The following PTPRJ variants were observed in gnomAD, a reference collection of about 807,000 sequenced individuals.
The protein encoded by PTPRJ is receptor-type tyrosine-protein phosphatase eta.
PTPRJ carries 129 observed loss-of-function variants against 141.3 expected under a neutral mutation model. That is an observed-to-expected ratio of 0.91 (90% CI 0.79 to 1.06). The LOEUF (loss-of-function observed/expected upper bound fraction) is 1.06, where lower values mean the gene tolerates loss of function less well. PTPRJ is among the 50% of genes least tolerant of loss of function. The pLI is 0.00. For synonymous variants in PTPRJ, 610 were observed against 640.5 expected (o/e 0.95, Z 0.72); for missense variants, 1,601 against 1,679.7 (o/e 0.95, Z 0.82).
intron 6 of PTPRJ, 119 bp from the exon 7 acceptor site, chr11:48,127,661 A>T: frequency 9.7e-7 from 1 of 1,029,368 alleles, no homozygotes; most frequent in South Asian, 1.5e-5. Flanking sequence ...GATGGTGCAG[A>T]GGAGGAAGGA....
intron 1 of PTPRJ, among the ~76,000 whole-genome samples, chr11:48,062,739 A>C (rs1483700044): frequency 6.6e-6 from 1 of 152,192 alleles, no homozygotes; most frequent in Non-Finnish European, 1.5e-5. Flanking sequence ...TTGTTTCTGA[A>C]GCACTTTCTC....
At chr11:48,059,109 C>CTTTTTTTTTTTTTTTTTTTTTTTTTT (rs1437506736) in intron 1 of PTPRJ, among the ~76,000 whole-genome samples, 1 of 125,932 alleles carries the variant, frequency 7.9e-6, no homozygotes, top group African/African-American at 3.5e-5. Flanking sequence ...CTGTGCTGTG[C>CTTTTTTTTTTTTTTTTTTTTTTTTTT]CTTTTTTTTT....
At chr11:48,079,638 G>C (rs903400902) in intron 1 of PTPRJ, among the ~76,000 whole-genome samples, 5 of 152,164 alleles carry the variant, frequency 3.3e-5, no homozygotes, top group African/African-American at 1.2e-4. Context: ...GGCAGAGGAA[G>C]AGGAGGAGCG....
At chr11:48,109,859 C>T (rs1373199525) in intron 1 of PTPRJ, among the ~76,000 whole-genome samples, 199 bp from the exon 2 acceptor site, 5 of 152,150 alleles carry the variant, frequency 3.3e-5, no homozygotes, top group Admixed American at 6.5e-5. Flanking sequence ...CCAGTTAATC[C>T]TTTGTAATTG....
At chr11:48,080,721 G>A (rs574233829) in intron 1 of PTPRJ, among the ~76,000 whole-genome samples, 1 of 152,266 alleles carries the variant, frequency 6.6e-6, no homozygotes, top group East Asian at 1.9e-4. Flanking sequence ...TCAGCTCCAC[G>A]CTCCCCTCCT....
At chr11:48,025,944 A>G (rs1349615833) in intron 1 of PTPRJ, among the ~76,000 whole-genome samples, 19 of 152,154 alleles carry the variant, frequency 1.2e-4, no homozygotes, top group Admixed American at 1.2e-3. Flanking sequence ...TGGAATGCTC[A>G]TCCCCCCAAT....
chr11:48,034,510 T>C (rs750796141), intron 1 of PTPRJ, among the ~76,000 whole-genome samples: 1 of 152,230 alleles, frequency 6.6e-6, no homozygotes, highest in African/African-American at 2.4e-5. Context: ...AGGTCCTTTA[T>C]TGATTCATCT....
At position 48,110,078 on chromosome 11, in the gene PTPRJ, T is replaced by A; in HGVS notation, c.115+2T>A. ...TTCAGATCCTGTGCGCAGGTGGCAG[T>A]GAGTACCCTTTTCCTCTCTATTCTT... is the stretch of plus-strand genomic sequence containing the variant. On this transcript the variant is annotated splice_donor_variant, in intron 2 of 24. Transcript: ENST00000418331. LOFTEE classifies it high-confidence loss of function. 6.2e-7 allele frequency: 1 copy of A among 1,613,726 alleles called. No homozygotes were observed. The highest frequency in any genetic ancestry group is 1.1e-5 in the South Asian group (1 of 91,060).
chr11:47,997,927 G>C (rs1401527165), intron 1 of PTPRJ, among the ~76,000 whole-genome samples: 1 of 152,142 alleles, frequency 6.6e-6, no homozygotes, highest in Non-Finnish European at 1.5e-5. Flanking sequence ...GTGACATTGA[G>C]AATAGCAGGA....
Position 48,125,203 on chromosome 11 carries a change from A to C in PTPRJ, c.1093+17A>C, listed in dbSNP as rs773180122. On this transcript the variant is annotated intron_variant, in intron 6 of 24. Transcript: ENST00000418331. ...TCAGGACAAGTAGGTTGAACTTTGT[A>C]AAATGGTGGCAGCCAGAGTTTCCTA... 6.2e-7 allele frequency: 1 copy of C among 1,611,178 alleles called. No homozygotes were observed. The highest frequency in any genetic ancestry group is 8.5e-7 in the Non-Finnish European group (1 of 1,177,360).
intron 1 of PTPRJ, among the ~76,000 whole-genome samples, chr11:48,093,641 T>G (rs1294245611): frequency 1.3e-5 from 2 of 152,154 alleles, no homozygotes; most frequent in Non-Finnish European, 1.5e-5. Context: ...TTTGCTCAAA[T>G]TGCCTTTATA....
At chr11:48,132,830 G>GCA in intron 8 of PTPRJ, 1 of 608,572 alleles carries the variant, frequency 1.6e-6, no homozygotes, top group Non-Finnish European at 2.1e-6. Context: ...GTCACTCAGA[G>GCA]GATCTGCTTC....
intron 1 of PTPRJ, among the ~76,000 whole-genome samples, chr11:48,102,340 A>G (rs974951431): frequency 6.6e-6 from 1 of 152,200 alleles, no homozygotes; most frequent in Non-Finnish European, 1.5e-5. Flanking sequence ...CATGTCTTTA[A>G]TGTGGCCAAA....
chr11:47,992,758 G>A (rs1854229110), intron 1 of PTPRJ, among the ~76,000 whole-genome samples: 1 of 152,182 alleles, frequency 6.6e-6, no homozygotes, highest in Admixed American at 6.5e-5. Flanking sequence ...TTAAAAAAAT[G>A]GTAGAATATC....
At chr11:48,016,717 G>T (rs558510679) in intron 1 of PTPRJ, among the ~76,000 whole-genome samples, 2 of 152,200 alleles carry the variant, frequency 1.3e-5, no homozygotes, top group African/African-American at 2.4e-5. Flanking sequence ...CTTTTGTCTG[G>T]CATTAACCAC....
chr11:47,984,343 C>A (rs544672722), intron 1 of PTPRJ, among the ~76,000 whole-genome samples: 1 of 152,290 alleles, frequency 6.6e-6, no homozygotes, highest in South Asian at 2.1e-4. Context: ...TCAGTAATTA[C>A]TTCTCAGTTC....
chr11:47,985,922 A>G (rs1854039432), intron 1 of PTPRJ, among the ~76,000 whole-genome samples: 1 of 151,940 alleles, frequency 6.6e-6, no homozygotes, highest in Non-Finnish European at 1.5e-5. Context: ...GCTGGTCTTG[A>G]ACTCCCAACC....
intron 1 of PTPRJ, among the ~76,000 whole-genome samples, chr11:48,064,795 A>T (rs1855038568): frequency 6.6e-6 from 1 of 151,152 alleles, no homozygotes; most frequent in Non-Finnish European, 1.5e-5. Context: ...TAATTTTTGT[A>T]TTTTTAGTAG....
At chr11:48,140,077 C>T (rs1259051298) in intron 11 of PTPRJ, among the ~76,000 whole-genome samples, 1 of 152,148 alleles carries the variant, frequency 6.6e-6, no homozygotes, top group African/African-American at 2.4e-5. Context: ...TCTTGTCACC[C>T]AGGCTGGAAT....
Sources: gnomAD v4.1 joint callset for allele counts (sites outside exome capture counted in the v4.1 genomes callset) on GRCh38, gnomAD v4.1.1 for gene constraint, MANE v1.5 for transcripts, NCBI Gene and HGNC (gene_info 2026-07-23, HGNC 2026-07-21) for gene names.